Variants in BRD4 observed in about 807,000 individuals in gnomAD.
BRD4 encodes bromodomain containing 4, also known as bromodomain-containing protein 4.
In BRD4, 16 loss-of-function variants were observed where a neutral mutation model predicts 142.1. The ratio of observed to expected loss-of-function variants is 0.11; its 90% CI spans 0.08 to 0.17. BRD4 has a LOEUF of 0.17. Ranked by LOEUF, BRD4 falls within the 10% of genes least tolerant of loss-of-function variation. The pLI is 1.00. For synonymous variants in BRD4, 833 were observed against 707.5 expected (o/e 1.18, Z -2.82); for missense variants, 1,424 against 1,810.9 (o/e 0.79, Z 3.88).
chr19:15,312,581 G>A (rs1341295627), intron 1 of BRD4, among the ~76,000 whole-genome samples: 2 of 151,912 alleles, frequency 1.3e-5, no homozygotes, highest in East Asian at 1.9e-4. Context: ...GCAGTGAGCC[G>A]AGATCGCACC....
chr19:15,284,508 A>C (rs1032151507), intron 1 of BRD4, among the ~76,000 whole-genome samples: 1 of 152,232 alleles, frequency 6.6e-6, no homozygotes, highest in Non-Finnish European at 1.5e-5. Flanking sequence ...ACAACTTTAC[A>C]GAAGCCTTTG....
chr19:15,241,798 C>A (rs1168519804), intron 14 of BRD4, among the ~76,000 whole-genome samples: 2 of 150,516 alleles, frequency 1.3e-5, no homozygotes, highest in Non-Finnish European at 3.0e-5. Flanking sequence ...ATCCACTTGG[C>A]ACCTGACTTT....
intron 8 of BRD4, 75 bp from the exon 9 acceptor site, chr19:15,256,338 T>C: frequency 6.4e-7 from 1 of 1,551,256 alleles, no homozygotes; most frequent in South Asian, 1.2e-5. Context: ...AGGCGTCTGC[T>C]CCAAAAAACA....
chr19:15,262,037 A>G (rs2047476861), intron 7 of BRD4, among the ~76,000 whole-genome samples: 1 of 152,242 alleles, frequency 6.6e-6, no homozygotes, highest in Non-Finnish European at 1.5e-5. Context: ...GTTTGAGCAC[A>G]TGTCCTCTGA....
rs200577474 is a variant in BRD4 at position 15,256,033 on chromosome 19, C to T, written c.1751+31G>A. The T allele has an allele frequency of 1.9e-6, 3 of 1,608,134 alleles. No homozygotes were observed. In the African/African-American group the frequency reaches 4.0e-5, roughly 22 times the overall value. ...CAGAGCAAGCCCTGGAAGGAGGGTC[C>T]CCACCCAGGACAAATTCAGGGGACA... On this transcript the variant is annotated intron_variant, in intron 9 of 19. Coordinates refer to ENST00000679869, the MANE Select transcript of BRD4 (RefSeq NM_001379291.1).
intron 1 of BRD4, among the ~76,000 whole-genome samples, chr19:15,302,140 C>A (rs796562636): frequency 1.8e-4 from 28 of 151,502 alleles, no homozygotes; most frequent in African/African-American, 6.8e-4. Flanking sequence ...GCCCTCCAGT[C>A]TGGGAGACAG....
At chr19:15,280,610 AT>A (rs2145646275) in intron 1 of BRD4, among the ~76,000 whole-genome samples, 1 of 152,294 alleles carries the variant, frequency 6.6e-6, no homozygotes, top group South Asian at 2.1e-4. Flanking sequence ...CCAAGTTGTT[AT>A]TTATGCTTCC....
At chr19:15,267,590 C>G in intron 3 of BRD4, 39 bp from the exon 4 acceptor site, 1 of 1,602,264 alleles carries the variant, frequency 6.2e-7, no homozygotes, top group Non-Finnish European at 8.5e-7. Flanking sequence ...AGAGGGCCCT[C>G]CCCTCCCCAC....
At chr19:15,274,869 CTT>C (rs745455535) in intron 1 of BRD4, among the ~76,000 whole-genome samples, 59 of 142,732 alleles carry the variant, frequency 4.1e-4, no homozygotes, top group Admixed American at 4.9e-4. Context: ...CTGAATTTTC[CTT>C]TTTTTTTTTT....
At chr19:15,327,122 T>A (rs2048114814) in intron 1 of BRD4, among the ~76,000 whole-genome samples, 1 of 152,196 alleles carries the variant, frequency 6.6e-6, no homozygotes, top group African/African-American at 2.4e-5. Flanking sequence ...CTTTTAACCA[T>A]TCTACCTAAG....
rs769916567 is a variant in BRD4 at position 15,256,108 on chromosome 19, A to C, written c.1707T>G (p.Pro569=). ...TATTATTTTTCTTCGTCTTTTTAGG[A>C]GGAGGTTCCTTGGCTTTGCTTTTTT... ...ENKKSKAKEP[P]PKKTKKNNSS... Residue 569 remains proline, a synonymous_variant, in exon 9 of 20, where the codon CCT becomes CCG. Transcript: ENST00000679869. The C allele has an allele frequency of 6.2e-7, 1 of 1,611,794 alleles. No homozygotes were observed. The highest frequency in any genetic ancestry group is 8.5e-7 in the Non-Finnish European group (1 of 1,179,828).
chr19:15,297,445 A>AC (rs1036239868), intron 1 of BRD4, among the ~76,000 whole-genome samples: 5 of 151,660 alleles, frequency 3.3e-5, no homozygotes, highest in South Asian at 2.1e-4. Context: ...CTGCCACCGA[A>AC]CCCCCCCAAA....
intron 1 of BRD4, among the ~76,000 whole-genome samples, chr19:15,286,799 A>G (rs1214193983): frequency 6.6e-6 from 1 of 152,242 alleles, no homozygotes; most frequent in Non-Finnish European, 1.5e-5. Context: ...AAAATTAATT[A>G]GAATTTGATT....
Position 15,243,392 on chromosome 19 carries a change from C to A in BRD4, c.2677G>T (p.Ala893Ser). 6.5e-7 allele frequency: 1 copy of A among 1,533,114 alleles called. No individual in the cohort carries two copies. The allele number at this position is 1,533,114 out of a possible 1,614,324, so 95.0% of individuals were successfully genotyped here. ...KPARPPAVSP[A>S]LTQTPLLPQP... ...GGGAGCAGGGGTGTTTGGGTCAAGG[C>A]TGGTGACACGGCTGGGGGCCGGGCG... Residue 893 changes from alanine to serine, a missense_variant, in exon 14 of 20, where the codon GCC (alanine) becomes TCC (serine). By Grantham distance (99) the Ala-to-Ser change is moderately conservative. Transcript: ENST00000679869.
intron 1 of BRD4, among the ~76,000 whole-genome samples, chr19:15,286,306 C>G (rs1471320846): frequency 6.6e-6 from 1 of 152,202 alleles, no homozygotes; most frequent in African/African-American, 2.4e-5. Context: ...CATAATCAGG[C>G]ACCGTGGTAC....
rs910926474 is a variant in BRD4, at chr19:15,244,462, A to C, written c.2350T>G (p.Ser784Ala). The change falls in exon 13 of 20, where the codon TCC becomes GCC. Residue 784 changes from serine (S) to alanine (A), a missense_variant. Ser to Ala is a moderately conservative substitution (Grantham distance 99). This residue lies in a region of BRD4 where 598 missense variants were observed against 647.8 expected (regional missense o/e 0.92). Transcript: ENST00000679869. Reference sequence around the variant, plus strand: ...GCCGGGGCTGCCTGCTGCGGCATGGAGGGTGGGGGAGGCGGGGGTGGCGGC... The same window carrying C: ...GCCGGGGCTGCCTGCTGCGGCATGGCGGGTGGGGGAGGCGGGGGTGGCGGC... ...QQPPPPPPPP[S>A]MPQQAAPAMK... is the part of the protein sequence containing the mutation. The C allele has an allele frequency of 9.8e-6, 1 of 101,568 alleles. No individual in the cohort carries two copies. The allele number at this position is 101,568 out of a possible 1,614,324, so 6.3% of individuals were successfully genotyped here.
At chr19:15,242,656 C>G (rs1345741234) in intron 14 of BRD4, among the ~76,000 whole-genome samples, 1 of 152,118 alleles carries the variant, frequency 6.6e-6, no homozygotes, top group Non-Finnish European at 1.5e-5. Context: ...TTGTCGTGCT[C>G]CTGACTCAAG....
At position 15,243,244 on chromosome 19, in the gene BRD4, G is replaced by A. The variant is rs765227557; in HGVS notation, c.2825C>T (p.Thr942Met). The change falls in exon 14 of 20, where the codon ACG (threonine) becomes ATG (methionine). Residue 942 changes from threonine to methionine, a missense_variant. Thr to Met is a moderately conservative substitution (Grantham distance 81). Around this residue, in one of 16 missense-constraint regions of BRD4, gnomAD observed 598 missense variants for 647.8 expected, o/e 0.92. Transcript: ENST00000679869. ...CACCTTCACGGAAGGGAGTAGCGGC[G>A]TAGGGGGCTGCACCTTCTGCAGCTG... is the stretch of plus-strand genomic sequence containing the variant. Reference protein sequence around the residue: ...LQQLQKVQPPTPLLPSVKVQS... With the variant: ...LQQLQKVQPPMPLLPSVKVQS... 1.5e-5 allele frequency: 21 copies of A among 1,443,134 alleles called. No individual in the cohort carries two copies. Among genetic ancestry groups the A allele is most frequent in the Non-Finnish European group, 1.8e-5 (19 of 1,079,766 alleles). 89.4% of individuals were successfully genotyped at this position (1,443,134 alleles called of 1,614,324 possible).
intron 1 of BRD4, among the ~76,000 whole-genome samples, chr19:15,304,395 G>A (rs188320936): frequency 1.3e-5 from 2 of 152,272 alleles, no homozygotes; most frequent in Non-Finnish European, 2.9e-5. Context: ...TCACTGTGCC[G>A]GGGGAGTAGG....
Sources: allele counts gnomAD v4.1 joint callset (sites outside exome capture counted in the v4.1 genomes callset), GRCh38; gene constraint gnomAD v4.1.1; regional missense constraint gnomAD v4.1.1; transcripts MANE v1.5; gene names NCBI Gene and HGNC (gene_info 2026-07-23, HGNC 2026-07-21).